ELN: variants seen among roughly 807,000 people sequenced by gnomAD.
The protein encoded by ELN is tropoelastin.
ELN carries 65 observed loss-of-function variants against 105.8 expected under a neutral mutation model. The ratio of observed to expected loss-of-function variants is 0.61; its 90% CI spans 0.50 to 0.75. The LOEUF is 0.75. Among genes scored for constraint, ELN ranks in the 30% least tolerant of loss-of-function variants. The probability of loss-of-function intolerance (pLI) is 0.00; values close to 1 mark genes in which losing one functional copy is unlikely to be tolerated. For missense variants in ELN, 882 were observed against 969.4 expected (o/e 0.91, Z 1.20); for synonymous variants, 368 against 389.2 (o/e 0.95, Z 0.64).
intron 24 of ELN, 74 bp from the exon 25 acceptor site, chr7:74,060,302 A>G (rs919233978): frequency 4.3e-6 from 7 of 1,613,990 alleles, no homozygotes; most frequent in Non-Finnish European, 5.9e-6. Flanking sequence ...GACTAGGCTC[A>G]GCTCCCTGGG....
At position 74,069,626 on chromosome 7, in the gene ELN, C is replaced by T. The variant is rs1554691249; in HGVS notation, c.*926C>T. ...CAGTTCCCATTCCTGCCCCGCCCATCTTTTTGTGTCTCGCTGTGATAGATC... is the reference window on the plus strand; with the variant it reads ...CAGTTCCCATTCCTGCCCCGCCCATTTTTTTGTGTCTCGCTGTGATAGATC... On this transcript the variant is annotated 3_prime_UTR_variant, in exon 33 of 33. Transcript: ENST00000252034. The T allele has an allele frequency of 8.6e-6, 2 of 233,416 alleles. No individual in the cohort carries two copies. Among genetic ancestry groups the T allele is most frequent in the Non-Finnish European group, 1.7e-5 (2 of 117,992 alleles). The allele number at this position is 233,416 out of a possible 1,614,324, so 14.5% of individuals were successfully genotyped here.
intron 8 of ELN, chr7:74,043,567 T>C (rs1448334688): frequency 2.8e-5 from 18 of 650,226 alleles, no homozygotes; most frequent in Non-Finnish European, 4.5e-5. Flanking sequence ...TGACTTCAGG[T>C]TAAACAAAAG....
At chr7:74,028,962 G>A (rs947671314) in intron 1 of ELN, among the ~76,000 whole-genome samples, 1 of 152,162 alleles carries the variant, frequency 6.6e-6, no homozygotes, top group Non-Finnish European at 1.5e-5. Flanking sequence ...CAGATGCCCG[G>A]CTGTGTCACT....
In ELN at chr7:74,068,677, G is replaced by C. The variant is rs1467401815; in HGVS notation, c.2152G>C (p.Ala718Pro). The C allele has an allele frequency of 1.2e-6, 2 of 1,613,938 alleles. No individual in the cohort carries two copies. The highest frequency in any genetic ancestry group is 2.7e-5 in the African/African-American group (2 of 74,906). ...TCCAGGTGGGGCCTGCCTGGGGAAAGCTTGTGGCCGGAAGAGAAAATGAGC... is the reference window on the plus strand; with the variant it reads ...TCCAGGTGGGGCCTGCCTGGGGAAACCTTGTGGCCGGAAGAGAAAATGAGC... ...IFPGGACLGK[A>P]CGRKRK Residue 718 changes from alanine (A) to proline (P), a missense_variant, in exon 33 of 33, where the codon GCT (alanine) becomes CCT (proline). Coordinates refer to ENST00000252034, the MANE Select transcript of ELN (RefSeq NM_000501.4).
intron 15 of ELN, among the ~76,000 whole-genome samples, chr7:74,050,139 T>TTCCATCCA (rs147069067): frequency 5.5e-5 from 7 of 127,514 alleles, no homozygotes; most frequent in South Asian, 5.3e-4. Flanking sequence ...CCATGCATCC[T>TTCCATCCA]TCCATCCATC....
At chr7:74,062,589 C>T (rs1554685628) in intron 26 of ELN, among the ~76,000 whole-genome samples, 1 of 152,102 alleles carries the variant, frequency 6.6e-6, no homozygotes, top group African/African-American at 2.4e-5. Flanking sequence ...CTTGCTCTGT[C>T]GCCCAGGCTG....
At chr7:74,041,347 C>A in intron 5 of ELN, 96 bp downstream of exon 5, 2 of 1,510,936 alleles carry the variant, frequency 1.3e-6, no homozygotes, top group South Asian at 1.1e-5. Flanking sequence ...AACAAGGGTG[C>A]AGGCCAGGTT....
intron 1 of ELN, among the ~76,000 whole-genome samples, chr7:74,030,310 T>C (rs963204273): frequency 6.6e-6 from 1 of 152,104 alleles, no homozygotes; most frequent in Admixed American, 6.5e-5. Flanking sequence ...GTGTCACTTA[T>C]GCAAGTTCAG....
chr7:74,030,204 G>A (rs1372181808), intron 1 of ELN, among the ~76,000 whole-genome samples: 2 of 152,210 alleles, frequency 1.3e-5, no homozygotes, highest in Non-Finnish European at 2.9e-5. Flanking sequence ...TGCAGAGGTC[G>A]GGGAGCCAAC....
intron 4 of ELN, among the ~76,000 whole-genome samples, chr7:74,038,290 A>C (rs918125047): frequency 2.0e-5 from 3 of 152,194 alleles, no homozygotes; most frequent in East Asian, 3.9e-4. Flanking sequence ...CCCTGAGCCT[A>C]ATCCCAGGCT....
intron 22 of ELN, chr7:74,059,661 G>T (rs371759430): frequency 5.2e-5 from 32 of 618,906 alleles, no homozygotes; most frequent in East Asian, 4.1e-4. Flanking sequence ...TCCAGCCTGG[G>T]CGATAGAGTG....
At chr7:74,049,806 A>G (rs1204981003) in intron 15 of ELN, among the ~76,000 whole-genome samples, 2 of 150,510 alleles carry the variant, frequency 1.3e-5, no homozygotes, top group Non-Finnish European at 3.0e-5. Context: ...TCCTCCATGC[A>G]TCCATTCCTC....
chr7:74,036,547 C>G lies in ELN; in HGVS notation c.134-8C>G, dbSNP rs1789993131. 10 of 1,614,046 alleles carry G rather than the reference C, an allele frequency of 6.2e-6. No homozygotes were observed. The highest frequency in any genetic ancestry group is 8.5e-6 in the Non-Finnish European group (10 of 1,180,012). ...ATGATCTCTCTTTCTCTTTCTCTCC[C>G]CCCACAGGGGCTGGTCTCGGAGCCC... On this transcript the variant is annotated splice_polypyrimidine_tract_variant and splice_region_variant and intron_variant, in intron 2 of 32. Transcript: ENST00000252034.
rs41347751 is a variant in ELN, at chr7:74,043,934, G to A, written c.469+14G>A. On this transcript the variant is annotated intron_variant, in intron 9 of 32. Coordinates refer to ENST00000252034, the MANE Select transcript of ELN (RefSeq NM_000501.4). ...GCGTGCTCCCAGGTGAGAGCAAGGAGGGAAACAGGGACTCTATAGGAAGAA... is the reference window on the plus strand; with the variant it reads ...GCGTGCTCCCAGGTGAGAGCAAGGAAGGAAACAGGGACTCTATAGGAAGAA... 271 of 1,613,938 alleles carry A rather than the reference G, an allele frequency of 1.7e-4. No individual in the cohort carries two copies. The African/African-American group carries it at 3.3e-3, about 20-fold the overall frequency.
rs1341584995 is a variant in ELN at position 74,065,714 on chromosome 7, G to A, written c.2014G>A (p.Ala672Thr). The A allele has an allele frequency of 1.5e-5, 25 of 1,613,392 alleles. No individual in the cohort carries two copies. The highest frequency in any genetic ancestry group is 5.5e-5 in the South Asian group (5 of 91,066). ...GLGGIPPAAA[A>T]KAAKYGAAGL... Reference sequence around the variant, plus strand: ...CCCAGGTATACCTCCAGCTGCAGCCGCTAAAGCAGCTAAATACGGTGAGTT... The same window carrying A: ...CCCAGGTATACCTCCAGCTGCAGCCACTAAAGCAGCTAAATACGGTGAGTT... The change falls in exon 30 of 33, where the codon GCT (alanine) becomes ACT (threonine). Residue 672 changes from alanine (A) to threonine (T), a missense_variant. Physicochemically the swap from Ala to Thr is moderately conservative, Grantham distance 58. Transcript: ENST00000252034.
At chr7:74,042,821 G>C in intron 6 of ELN, 115 bp downstream of exon 6, 2 of 1,532,084 alleles carry the variant, frequency 1.3e-6, no homozygotes, top group Non-Finnish European at 1.8e-6. Flanking sequence ...GGGATTGTCA[G>C]TTGCAATCTA....
At position 74,068,623 on chromosome 7, in the gene ELN, G is replaced by A. The variant is rs189431235; in HGVS notation, c.2132-34G>A. 3.6e-4 allele frequency: 579 copies of A among 1,613,758 alleles called. 8 individuals are homozygous for A. The highest frequency in any genetic ancestry group is 7.4e-5 in the Non-Finnish European group (87 of 1,179,670). ...ATTAGAGCCGAAACTGAGAGGGGCCGGACTCACAGTGATGTGCACCTCCTC... is the reference window on the plus strand; with the variant it reads ...ATTAGAGCCGAAACTGAGAGGGGCCAGACTCACAGTGATGTGCACCTCCTC... On this transcript the variant is annotated intron_variant, in intron 32 of 32. Transcript: ENST00000252034.
chr7:74,031,584 C>A (rs1554662236), intron 1 of ELN, among the ~76,000 whole-genome samples: 1 of 151,930 alleles, frequency 6.6e-6, no homozygotes, highest in Non-Finnish European at 1.5e-5. Flanking sequence ...TCCAGGAAGG[C>A]TTCCCAGCAG....
At chr7:74,037,621 C>T in intron 3 of ELN, 86 bp from the exon 4 acceptor site, 1 of 1,558,900 alleles carries the variant, frequency 6.4e-7, no homozygotes, top group Non-Finnish European at 8.7e-7. Flanking sequence ...TCCACACTGC[C>T]CACACTTTGC....
Sources: allele counts gnomAD v4.1 joint callset (sites outside exome capture counted in the v4.1 genomes callset), GRCh38; gene constraint gnomAD v4.1.1; transcripts MANE v1.5; gene names NCBI Gene and HGNC (gene_info 2026-07-23, HGNC 2026-07-21).